The following OPCML variants were observed in gnomAD, a reference collection of about 807,000 sequenced individuals.
The protein encoded by OPCML is opioid-binding protein/cell adhesion molecule.
Under a neutral mutation model 37.8 loss-of-function variants are expected in OPCML, and 13 were observed. The observed-to-expected ratio is 0.34, with a 90% CI of 0.22 to 0.55. OPCML has a LOEUF of 0.55. Ranked by LOEUF, OPCML falls within the 20% of genes least tolerant of loss-of-function variation. The probability of loss-of-function intolerance (pLI) is 0.91; values close to 1 mark genes in which losing one functional copy is unlikely to be tolerated. For synonymous variants in OPCML, 176 were observed against 168.8 expected (o/e 1.04, Z -0.33); for missense variants, 341 against 435.6 (o/e 0.78, Z 1.93).
chr11:133,024,881 A>G (rs761309719), intron 1 of OPCML: 70 of 985,324 alleles, frequency 7.1e-5, no homozygotes, highest in Non-Finnish European at 8.3e-5. Flanking sequence ...GTGATTTTCC[A>G]AAATAGAGTG....
At chr11:133,006,902 A>C in intron 1 of OPCML, 5 of 985,444 alleles carry the variant, frequency 5.1e-6, no homozygotes, top group Non-Finnish European at 6.0e-6. Flanking sequence ...TCATGGGGCC[A>C]CCTAGGCTGG....
intron 1 of OPCML, among the ~76,000 whole-genome samples, chr11:133,039,730 G>T (rs542489977): frequency 6.6e-6 from 1 of 152,212 alleles, no homozygotes; most frequent in East Asian, 1.9e-4. Context: ...TCAGGCAGAC[G>T]TCGTGGACCG....
intron 2 of OPCML, among the ~76,000 whole-genome samples, chr11:132,784,601 T>A (rs944850087): frequency 6.6e-6 from 1 of 151,460 alleles, no homozygotes; most frequent in African/African-American, 2.4e-5. Flanking sequence ...CCCACCCCAA[T>A]CTTATGTTGA....
At chr11:133,150,372 G>A (rs1404143213) in intron 1 of OPCML, among the ~76,000 whole-genome samples, 1 of 152,244 alleles carries the variant, frequency 6.6e-6, no homozygotes, top group African/African-American at 2.4e-5. Context: ...AGGTTCCAGA[G>A]GTTATGAAAT....
At chr11:132,543,475 T>C (rs1160027895) in intron 3 of OPCML, among the ~76,000 whole-genome samples, 6 of 152,028 alleles carry the variant, frequency 3.9e-5, no homozygotes, top group Non-Finnish European at 8.8e-5. Flanking sequence ...ATTGTGCCAC[T>C]GTACTCCAGC....
In OPCML at chr11:132,701,090, G is replaced by A. The variant is rs182117386; in HGVS notation, c.147-43771C>T. Among the ~76,000 whole-genome samples the A allele has an allele frequency of 4.6e-5, 7 of 152,268 alleles. No homozygotes were observed. In the East Asian group the frequency reaches 1.4e-3, roughly 29 times the overall value. On this transcript the variant is annotated intron_variant, in intron 2 of 7. Coordinates refer to ENST00000524381, the MANE Select transcript of OPCML (RefSeq NM_001012393.5). Reference sequence around the variant, plus strand: ...ACACTGCTAATAAAGACATACCCAAGACTGGGTAATGTATAAAGGAAAGAG... The same window carrying A: ...ACACTGCTAATAAAGACATACCCAAAACTGGGTAATGTATAAAGGAAAGAG...
intron 1 of OPCML, among the ~76,000 whole-genome samples, chr11:133,083,236 G>A (rs985600422): frequency 6.6e-6 from 1 of 152,148 alleles, no homozygotes; most frequent in African/African-American, 2.4e-5. Flanking sequence ...TGCACTGAGC[G>A]GCGGGAGCGG....
At chr11:132,450,331 C>A (rs77354748) in intron 4 of OPCML, among the ~76,000 whole-genome samples, 2 of 152,178 alleles carry the variant, frequency 1.3e-5, no homozygotes, top group African/African-American at 4.8e-5. Context: ...CAAAGAGGAA[C>A]GCAAGGTGAC....
chr11:132,589,109 T>A (rs1236484533), intron 3 of OPCML, among the ~76,000 whole-genome samples: 2 of 152,208 alleles, frequency 1.3e-5, no homozygotes, highest in Admixed American at 6.5e-5. Context: ...CCATCAGTTA[T>A]GAAAATTTGG....
rs2095938530 is a variant in OPCML, at chr11:132,416,351, A to G, written c.*3842T>C. 1 of 152,202 alleles carries G rather than the reference A, an allele frequency of 6.6e-6. No homozygotes were observed. Among genetic ancestry groups the G allele is most frequent in the South Asian group, 2.1e-4 (1 of 4,834 alleles). 9.4% of individuals were successfully genotyped at this position (152,202 alleles called of 1,614,324 possible). A position where few individuals can be genotyped will look rare whatever the true frequency, so the allele number is the denominator to read the frequency against. On this transcript the variant is annotated 3_prime_UTR_variant, in exon 8 of 8. Transcript: ENST00000524381. ...CCTCCCCTCCTACCATGGGCTGGCGACAGCCAACCAGCACTTGAAAATTCA... is the reference window on the plus strand; with the variant it reads ...CCTCCCCTCCTACCATGGGCTGGCGGCAGCCAACCAGCACTTGAAAATTCA...
intron 3 of OPCML, among the ~76,000 whole-genome samples, chr11:132,608,970 G>A (rs866805827): frequency 2.6e-5 from 4 of 151,898 alleles, no homozygotes; most frequent in African/African-American, 9.7e-5. Context: ...CAAGCCCTTA[G>A]TTCCTTTCTG....
At chr11:133,227,698 A>G (rs1418710046) in intron 1 of OPCML, among the ~76,000 whole-genome samples, 1 of 152,164 alleles carries the variant, frequency 6.6e-6, no homozygotes, top group East Asian at 1.9e-4. Context: ...TTTGTCTGGA[A>G]ATGCAGTGGC....
At chr11:132,479,151 ACAGTGGGCTCAGGT>A (rs944621229) in intron 4 of OPCML, among the ~76,000 whole-genome samples, 24 of 152,278 alleles carry the variant, frequency 1.6e-4, no homozygotes, top group Admixed American at 5.2e-4. Flanking sequence ...GGAGTGCCAG[ACAGTGGGCTCAGGT>A]CAGTGGGTGC....
chr11:132,643,395 C>A lies in OPCML; in HGVS notation c.379+13692G>T, dbSNP rs193222198. Among the ~76,000 whole-genome samples, 19 of 152,274 alleles carry A rather than the reference C, an allele frequency of 1.2e-4. No individual in the cohort carries two copies. The East Asian group carries it at 3.7e-3, about 29-fold the overall frequency. On this transcript the variant is annotated intron_variant, in intron 3 of 7. Transcript: ENST00000524381. Reference sequence around the variant, plus strand: ...ATTTGCCCAGAGAACCGCAGGGTGTCCTGGAACAAGGTGCAGATTGGGCTT... The same window carrying A: ...ATTTGCCCAGAGAACCGCAGGGTGTACTGGAACAAGGTGCAGATTGGGCTT...
intron 1 of OPCML, among the ~76,000 whole-genome samples, chr11:133,397,418 T>C (rs761705213): frequency 2.0e-5 from 3 of 152,230 alleles, no homozygotes; most frequent in South Asian, 4.1e-4. Context: ...AACAGATAGA[T>C]GTACAGGAAA....
chr11:132,798,841 A>G (rs574281953), intron 2 of OPCML, among the ~76,000 whole-genome samples: 1 of 152,320 alleles, frequency 6.6e-6, no homozygotes, highest in East Asian at 1.9e-4. Flanking sequence ...CTCCTTGTAC[A>G]TCTCCATCAG....
intron 1 of OPCML, among the ~76,000 whole-genome samples, chr11:133,027,576 G>T (rs1003681508): frequency 1.4e-5 from 2 of 147,186 alleles, no homozygotes; most frequent in Non-Finnish European, 3.0e-5. Flanking sequence ...CGTGTGTGGT[G>T]TGTTATGTGT....
intron 1 of OPCML, among the ~76,000 whole-genome samples, chr11:133,204,874 A>ATATATATATATATATATATATGTGTG (rs1938972700): frequency 3.2e-4 from 6 of 18,946 alleles, no homozygotes; most frequent in East Asian, 5.0e-4. Flanking sequence ...ATGTGTATAT[A>ATATATATATATATATATATATGTGTG]TATATATATA....
At chr11:133,158,412 A>G (rs1473355127) in intron 1 of OPCML, among the ~76,000 whole-genome samples, 1 of 152,190 alleles carries the variant, frequency 6.6e-6, no homozygotes, top group African/African-American at 2.4e-5. Flanking sequence ...TCTAAAAATA[A>G]GATCCAGGGC....
Sources: allele counts gnomAD v4.1 joint callset (sites outside exome capture counted in the v4.1 genomes callset), GRCh38; gene constraint gnomAD v4.1.1; transcripts MANE v1.5; gene names NCBI Gene and HGNC (gene_info 2026-07-23, HGNC 2026-07-21).